Variants in GABRB3 observed in about 807,000 individuals in gnomAD.
The protein encoded by GABRB3 is gamma-aminobutyric acid receptor subunit beta-3.
In GABRB3, 14 loss-of-function variants were observed where a neutral mutation model predicts 52.1. That is an observed-to-expected ratio of 0.27 (90% CI 0.18 to 0.42). The LOEUF is 0.42. Among genes scored for constraint, GABRB3 ranks in the 10% least tolerant of loss-of-function variants. GABRB3 has a pLI of 1.00. For missense variants in GABRB3, 307 were observed against 609.1 expected (o/e 0.50, Z 5.22); for synonymous variants, 260 against 232.3 (o/e 1.12, Z -1.08).
chr15:26,694,991 T>C (rs550977805), intron 3 of GABRB3, among the ~76,000 whole-genome samples: 14 of 152,082 alleles, frequency 9.2e-5, no homozygotes, highest in South Asian at 2.1e-4. Flanking sequence ...AATATGTCAA[T>C]AGAGACTTTT....
intron 3 of GABRB3, among the ~76,000 whole-genome samples, chr15:26,678,047 G>GA (rs11387507): frequency 0.5 from 75,942 of 152,022 alleles, 21,416 homozygotes; most frequent in Admixed American, 0.63. Context: ...CAAATCCAAA[G>GA]AAAAAACAGA....
At chr15:26,580,226 G>A in intron 6 of GABRB3, 93 bp downstream of exon 6, 1 of 1,443,382 alleles carries the variant, frequency 6.9e-7, no homozygotes, top group Admixed American at 1.7e-5. Context: ...CGATGATCCT[G>A]TGCTGTGAGT....
chr15:26,744,447 A>G (rs750239358), intron 3 of GABRB3, among the ~76,000 whole-genome samples: 1 of 151,544 alleles, frequency 6.6e-6, no homozygotes, highest in Non-Finnish European at 1.5e-5. Flanking sequence ...TTTTTTTGAG[A>G]CAGAGTCTTG....
At chr15:26,750,700 G>A (rs1246920710) in intron 3 of GABRB3, among the ~76,000 whole-genome samples, 1 of 152,102 alleles carries the variant, frequency 6.6e-6, no homozygotes, top group Non-Finnish European at 1.5e-5. Context: ...TTATTAAATT[G>A]AAACAAATAG....
At chr15:26,549,277 A>G (rs373434783) in intron 8 of GABRB3, among the ~76,000 whole-genome samples, 2 of 152,256 alleles carry the variant, frequency 1.3e-5, no homozygotes, top group African/African-American at 4.8e-5. Flanking sequence ...TGGTGAGAGG[A>G]GTCCTGCCTG....
intron 3 of GABRB3, among the ~76,000 whole-genome samples, chr15:26,703,364 G>A (rs1170961118): frequency 1.3e-5 from 2 of 152,140 alleles, no homozygotes; most frequent in East Asian, 3.9e-4. Context: ...CATTTGCAAG[G>A]GAGGAGCCCT....
chr15:26,719,861 T>C (rs146542948), intron 3 of GABRB3, among the ~76,000 whole-genome samples: 10 of 152,324 alleles, frequency 6.6e-5, no homozygotes, highest in African/African-American at 2.4e-4. Flanking sequence ...CAAACCTGAC[T>C]GGTCATTGAA....
intron 3 of GABRB3, chr15:26,629,218 G>A: frequency 7.0e-7 from 1 of 1,431,916 alleles, no homozygotes; most frequent in Non-Finnish European, 9.2e-7. Flanking sequence ...ATCAGGGGCG[G>A]GGCCTGGAAA....
At chr15:26,739,562 G>A (rs1890149670) in intron 3 of GABRB3, among the ~76,000 whole-genome samples, 1 of 152,024 alleles carries the variant, frequency 6.6e-6, no homozygotes, top group East Asian at 1.9e-4. Flanking sequence ...AGGAGGGGCC[G>A]GTTTGGCAGG....
intron 3 of GABRB3, among the ~76,000 whole-genome samples, chr15:26,699,653 A>G (rs1409542953): frequency 6.6e-6 from 1 of 152,210 alleles, no homozygotes; most frequent in Admixed American, 6.5e-5. Context: ...ATAATATTTG[A>G]GATGAAAATA....
chr15:26,720,948 AG>A (rs1889627551), intron 3 of GABRB3, among the ~76,000 whole-genome samples: 1 of 152,194 alleles, frequency 6.6e-6, no homozygotes, highest in Non-Finnish European at 1.5e-5. Flanking sequence ...AGGCACTCAA[AG>A]GGGATGCAAA....
chr15:26,723,014 A>T (rs182715251), intron 3 of GABRB3, among the ~76,000 whole-genome samples: 4 of 152,310 alleles, frequency 2.6e-5, no homozygotes, highest in Admixed American at 6.5e-5. Context: ...ACCTTAAGAC[A>T]TTCAGAGTAG....
At chr15:26,577,273 C>T (rs542023813) in intron 6 of GABRB3, among the ~76,000 whole-genome samples, 30 of 152,160 alleles carry the variant, frequency 2.0e-4, no homozygotes, top group East Asian at 1.9e-4. Context: ...AGCACTTTGG[C>T]AGGCTGAGGC....
chr15:26,588,274 A>C (rs1162484389), intron 4 of GABRB3, among the ~76,000 whole-genome samples: 1 of 152,242 alleles, frequency 6.6e-6, no homozygotes, highest in Non-Finnish European at 1.5e-5. Context: ...TCATCATCTC[A>C]GTGCCCAGGA....
intron 4 of GABRB3, among the ~76,000 whole-genome samples, chr15:26,601,486 GAAGA>G (rs889925793): frequency 1.3e-5 from 2 of 151,928 alleles, no homozygotes; most frequent in Non-Finnish European, 2.9e-5. Context: ...AACAAAAAAG[GAAGA>G]AAGAAACAAA....
intron 3 of GABRB3, among the ~76,000 whole-genome samples, chr15:26,658,070 G>A (rs1258621635): frequency 6.6e-6 from 1 of 152,154 alleles, no homozygotes; most frequent in African/African-American, 2.4e-5. Context: ...ACCTAAAACT[G>A]ATGTTTGTGG....
chr15:26,715,812 T>C (rs538190642), intron 3 of GABRB3, among the ~76,000 whole-genome samples: 12 of 152,310 alleles, frequency 7.9e-5, no homozygotes, highest in Admixed American at 7.8e-4. Flanking sequence ...AGTAAACTAT[T>C]AAAAACATCC....
At chr15:26,571,176 C>T (rs1854830841) in intron 6 of GABRB3, among the ~76,000 whole-genome samples, 1 of 151,436 alleles carries the variant, frequency 6.6e-6, no homozygotes, top group African/African-American at 2.4e-5. Flanking sequence ...CACTTATTTG[C>T]TTCTCTTTGC....
chr15:26,637,958 C>T (rs1893100871), intron 3 of GABRB3, among the ~76,000 whole-genome samples: 1 of 152,182 alleles, frequency 6.6e-6, no homozygotes, highest in Non-Finnish European at 1.5e-5. Flanking sequence ...GGCAAAAGAC[C>T]TCAGGCTTTC....
Sources: allele counts gnomAD v4.1 joint callset (sites outside exome capture counted in the v4.1 genomes callset), GRCh38; gene constraint gnomAD v4.1.1; transcripts MANE v1.5; gene names NCBI Gene and HGNC (gene_info 2026-07-23, HGNC 2026-07-21).